The following NAV2 variants were observed in gnomAD, a reference collection of about 807,000 sequenced individuals.
NAV2 encodes helicase, APC down-regulated 1.
A neutral mutation model predicts 223.2 loss-of-function variants in NAV2; 54 were observed. The ratio of observed to expected loss-of-function variants is 0.24; its 90% CI spans 0.19 to 0.30. The LOEUF is 0.30. Among genes scored for constraint, NAV2 ranks in the 10% least tolerant of loss-of-function variants. NAV2 has a pLI of 1.00. For missense variants in NAV2, 2,806 were observed against 3,147.5 expected (o/e 0.89, Z 2.60); for synonymous variants, 1,279 against 1,239.3 (o/e 1.03, Z -0.67).
At chr11:19,940,693 T>C (rs1382694890) in intron 8 of NAV2, among the ~76,000 whole-genome samples, 1 of 152,178 alleles carries the variant, frequency 6.6e-6, no homozygotes, top group Admixed American at 6.5e-5. Flanking sequence ...GTGGAATTGG[T>C]CTGCAGCCCA....
At chr11:19,816,934 C>T (rs1439920455) in intron 1 of NAV2, among the ~76,000 whole-genome samples, 2 of 152,114 alleles carry the variant, frequency 1.3e-5, no homozygotes, top group African/African-American at 2.4e-5. Flanking sequence ...CGGTCACAGC[C>T]CCTTATGCAG....
intron 11 of NAV2, among the ~76,000 whole-genome samples, chr11:20,005,691 G>A (rs150594456): frequency 2.0e-4 from 31 of 152,294 alleles, no homozygotes; most frequent in Middle Eastern, 6.9e-3. Flanking sequence ...TGAGCTGAAT[G>A]CTCAAAGTAT....
chr11:19,756,110 T>C (rs1470671540), intron 1 of NAV2, among the ~76,000 whole-genome samples: 1 of 152,150 alleles, frequency 6.6e-6, no homozygotes, highest in South Asian at 2.1e-4. Flanking sequence ...GTACAGCTCT[T>C]GTTCTATGGG....
upstream of NAV2, among the ~76,000 whole-genome samples, chr11:19,708,613 A>G (rs967347253): frequency 6.6e-6 from 1 of 152,158 alleles, no homozygotes; most frequent in East Asian, 1.9e-4. Context: ...CTGAAGCCCA[A>G]TTCACACTCA....
At chr11:19,594,560 A>G (rs2046153790) in intron 1 of NAV2, among the ~76,000 whole-genome samples, 1 of 152,128 alleles carries the variant, frequency 6.6e-6, no homozygotes, top group Admixed American at 6.5e-5. Context: ...GTCGGTCCCA[A>G]CATGGTAGTG....
At chr11:19,606,078 C>T (rs918068149) in intron 1 of NAV2, among the ~76,000 whole-genome samples, 10 of 152,168 alleles carry the variant, frequency 6.6e-5, no homozygotes, top group Non-Finnish European at 1.3e-4. Context: ...CACTTAAGTG[C>T]TCAGAATTAC....
upstream of NAV2, among the ~76,000 whole-genome samples, chr11:19,346,343 A>G (rs563646886): frequency 1.3e-5 from 2 of 152,036 alleles, no homozygotes; most frequent in East Asian, 1.9e-4. Context: ...GGGGTGGTGT[A>G]GGTGGATCGG....
chr11:19,950,677 T>C (rs895161819), intron 10 of NAV2, among the ~76,000 whole-genome samples: 2 of 152,234 alleles, frequency 1.3e-5, no homozygotes, highest in Non-Finnish European at 2.9e-5. Context: ...CCAAACCTTT[T>C]GCAGGGGCAA....
At chr11:19,968,609 A>T (rs1172490344) in intron 10 of NAV2, among the ~76,000 whole-genome samples, 1 of 152,130 alleles carries the variant, frequency 6.6e-6, no homozygotes, top group East Asian at 1.9e-4. Flanking sequence ...CTTTGCCTTC[A>T]ATCCCATTTG....
At position 19,379,307 on chromosome 11, in the gene NAV2, G is replaced by A. The variant is rs555880092; in HGVS notation, c.75+28280G>A. 2.0e-5 allele frequency among the ~76,000 whole-genome samples: 3 copies of A among 152,298 alleles called. No homozygotes were observed. In the East Asian group the frequency reaches 5.8e-4, roughly 29 times the overall value. On this transcript the variant is annotated intron_variant, in intron 1 of 37. Transcript: ENST00000360655. ...GAAGTAATAAGGTGGAAAAGTCAGA[G>A]GGGTCAGAGAGAGAACTATTAATAT...
intron 1 of NAV2, among the ~76,000 whole-genome samples, chr11:19,476,048 CA>C (rs2042104745): frequency 6.6e-6 from 1 of 152,172 alleles, no homozygotes; most frequent in South Asian, 2.1e-4. Flanking sequence ...GATCTTGGCT[CA>C]CTGTAACCTC....
At chr11:19,529,733 C>A (rs1235449919) in intron 1 of NAV2, among the ~76,000 whole-genome samples, 1 of 152,108 alleles carries the variant, frequency 6.6e-6, no homozygotes, top group Non-Finnish European at 1.5e-5. Context: ...ACAGGGCACC[C>A]CCTTGTCCTG....
At chr11:20,060,865 GA>G (rs2058660737) in intron 19 of NAV2, among the ~76,000 whole-genome samples, 1 of 152,232 alleles carries the variant, frequency 6.6e-6, no homozygotes, top group Admixed American at 6.5e-5. Context: ...AGGGAAGAAG[GA>G]GAGGTCAGGG....
chr11:20,063,177 G>A (rs921917302), intron 20 of NAV2, among the ~76,000 whole-genome samples: 1 of 152,164 alleles, frequency 6.6e-6, no homozygotes, highest in Non-Finnish European at 1.5e-5. Context: ...TATTTTTTAA[G>A]TAGGTTTGAA....
chr11:19,829,873 T>G (rs1335229375), intron 1 of NAV2, among the ~76,000 whole-genome samples: 1 of 152,038 alleles, frequency 6.6e-6, no homozygotes, highest in East Asian at 1.9e-4. Flanking sequence ...AAAAGTAGAG[T>G]CACTTATCCA....
chr11:19,697,970 C>T (rs2049397619), intron 1 of NAV2, among the ~76,000 whole-genome samples: 1 of 152,128 alleles, frequency 6.6e-6, no homozygotes. Context: ...GCTGCCTTGC[C>T]TACCCAGCAC....
intron 1 of NAV2, among the ~76,000 whole-genome samples, chr11:19,819,767 AGAGT>A (rs563509274): frequency 2.1e-4 from 32 of 152,374 alleles, no homozygotes; most frequent in Admixed American, 1.8e-3. Flanking sequence ...AACAGATAAT[AGAGT>A]ATTATCCCAT....
chr11:19,406,888 T>C (rs1052688099), intron 1 of NAV2, among the ~76,000 whole-genome samples: 1 of 152,198 alleles, frequency 6.6e-6, no homozygotes, highest in Non-Finnish European at 1.5e-5. Context: ...GACTCCAAAC[T>C]TCTGGGCCAC....
At chr11:20,019,900 G>A (rs914072817) in intron 11 of NAV2, among the ~76,000 whole-genome samples, 2 of 151,780 alleles carry the variant, frequency 1.3e-5, no homozygotes, top group Non-Finnish European at 2.9e-5. Flanking sequence ...GGAGTAGTGG[G>A]AACAAACATC....
Sources: allele counts gnomAD v4.1 joint callset (sites outside exome capture counted in the v4.1 genomes callset), GRCh38; gene constraint gnomAD v4.1.1; transcripts MANE v1.5; gene names NCBI Gene and HGNC (gene_info 2026-07-23, HGNC 2026-07-21).